Variants in PDE8B observed in about 807,000 individuals in gnomAD.
PDE8B encodes phosphodiesterase 8B, also known as high affinity cAMP-specific and IBMX-insensitive 3',5'-cyclic phosphodiesterase 8B.
Under a neutral mutation model 101.3 loss-of-function variants are expected in PDE8B, and 26 were observed. That is an observed-to-expected ratio of 0.26 (90% CI 0.19 to 0.36). The LOEUF (loss-of-function observed/expected upper bound fraction) is 0.36. Ranked by LOEUF, PDE8B falls within the 10% of genes least tolerant of loss-of-function variation. The pLI is 1.00. For missense variants in PDE8B, 810 were observed against 1,163.1 expected, an observed-to-expected ratio of 0.70 and a Z score of 4.42; for synonymous variants, 424 against 429.3, an observed-to-expected ratio of 0.99 and a Z score of 0.15.
At chr5:77,239,128 T>C (rs570769970) in intron 1 of PDE8B, among the ~76,000 whole-genome samples, 34 of 152,358 alleles carry the variant, frequency 2.2e-4, no homozygotes, top group African/African-American at 8.2e-4. Flanking sequence ...TCCTGGTTCT[T>C]ATGTCCAGGA....
chr5:77,125,801 G>A, the PDE8B span, among the ~76,000 whole-genome samples: 1 of 152,124 alleles, frequency 6.6e-6, no homozygotes, highest in Non-Finnish European at 1.5e-5. Flanking sequence ...AGGGTCTGGG[G>A]GAATAGTAGA....
At chr5:77,236,313 A>G (rs911968216) in intron 1 of PDE8B, among the ~76,000 whole-genome samples, 1 of 152,192 alleles carries the variant, frequency 6.6e-6, no homozygotes, top group African/African-American at 2.4e-5. Flanking sequence ...TGCATAGATG[A>G]CACTTAAAGC....
At chr5:77,097,685 T>TTTTA in the PDE8B span, among the ~76,000 whole-genome samples, 1 of 18,116 alleles carries the variant, frequency 5.5e-5, no homozygotes, top group Admixed American at 7.2e-4. Context: ...TGTGGAGATT[T>TTTTA]TATATATCTA....
At chr5:77,353,574 T>TC (rs999904685) in intron 10 of PDE8B, among the ~76,000 whole-genome samples, 168 bp downstream of exon 10, 1 of 152,132 alleles carries the variant, frequency 6.6e-6, no homozygotes, top group Non-Finnish European at 1.5e-5. Flanking sequence ...TCTTTTTATT[T>TC]CCCAGCAAAC....
chr5:77,203,036 C>G, the PDE8B span, among the ~76,000 whole-genome samples: 6 of 152,334 alleles, frequency 3.9e-5, no homozygotes, highest in African/African-American at 1.4e-4. Flanking sequence ...TCAGTGATTT[C>G]TAATGACTAG....
chr5:77,167,148 T>G, the PDE8B span, among the ~76,000 whole-genome samples: 1 of 152,238 alleles, frequency 6.6e-6, no homozygotes, highest in Non-Finnish European at 1.5e-5. Flanking sequence ...TCCTGTGACA[T>G]GGCTCTAAGT....
At chr5:77,328,668 C>T (rs975167523) in intron 3 of PDE8B, among the ~76,000 whole-genome samples, 1 of 152,192 alleles carries the variant, frequency 6.6e-6, no homozygotes, top group Non-Finnish European at 1.5e-5. Context: ...GATTGTAGGA[C>T]TGCCAATTTA....
chr5:77,271,183 C>G (rs1469901296), intron 1 of PDE8B, among the ~76,000 whole-genome samples: 2 of 152,224 alleles, frequency 1.3e-5, no homozygotes, highest in African/African-American at 4.8e-5. Context: ...CATAAGATCT[C>G]CCTATTCCAG....
the PDE8B span, among the ~76,000 whole-genome samples, chr5:77,202,425 A>C: frequency 6.6e-6 from 1 of 152,236 alleles, no homozygotes. Context: ...CATGAAGATG[A>C]AAAGAATGAA....
At chr5:77,094,415 T>A in the PDE8B span, among the ~76,000 whole-genome samples, 1 of 151,968 alleles carries the variant, frequency 6.6e-6, no homozygotes, top group African/African-American at 2.4e-5. Flanking sequence ...GTTCAAGCAA[T>A]CCTCCCACTT....
chr5:77,269,629 TC>T (rs1762403248), intron 1 of PDE8B, among the ~76,000 whole-genome samples: 1 of 152,218 alleles, frequency 6.6e-6, no homozygotes, highest in South Asian at 2.1e-4. Flanking sequence ...AAGCCTTTAA[TC>T]CATTTTGATT....
intron 1 of PDE8B, among the ~76,000 whole-genome samples, chr5:77,284,502 G>T (rs1341324531): frequency 6.6e-6 from 1 of 152,054 alleles, no homozygotes; most frequent in Non-Finnish European, 1.5e-5. Flanking sequence ...TTTGATTGAA[G>T]AATAATATGC....
At chr5:77,319,676 A>G (rs1232307698) in intron 2 of PDE8B, among the ~76,000 whole-genome samples, 1 of 152,212 alleles carries the variant, frequency 6.6e-6, no homozygotes, top group Non-Finnish European at 1.5e-5. Context: ...ATAAATGAGG[A>G]CAGCGGTGTG....
chr5:77,185,104 C>T, the PDE8B span, among the ~76,000 whole-genome samples: 1 of 152,200 alleles, frequency 6.6e-6, no homozygotes, highest in Non-Finnish European at 1.5e-5. Flanking sequence ...CTTGTATTTA[C>T]AGTCTTTTGG....
the PDE8B span, among the ~76,000 whole-genome samples, chr5:77,089,011 A>G: frequency 6.6e-6 from 1 of 152,138 alleles, no homozygotes; most frequent in African/African-American, 2.4e-5. Flanking sequence ...CATTCCAATA[A>G]TGGTTTTGGA....
At chr5:77,365,934 A>G (rs546838062) in intron 10 of PDE8B, among the ~76,000 whole-genome samples, 6 of 152,326 alleles carry the variant, frequency 3.9e-5, no homozygotes, top group South Asian at 2.1e-4. Context: ...AAGCTCCTCT[A>G]TCTGCAGGGC....
In PDE8B at chr5:77,290,304, T is replaced by G. The variant is rs1266923602; in HGVS notation, c.340-21690T>G. On this transcript the variant is annotated intron_variant, in intron 1 of 21. Coordinates refer to ENST00000264917, the MANE Select transcript of PDE8B (RefSeq NM_003719.5). The stretch of plus-strand genomic sequence containing the variant: ...CCTCATCAATCAGCCCCAGTATGCA[T>G]GGCTGAAAGAGGTGGGGCTCCGAGA... 1.9e-6 allele frequency: 3 copies of G among 1,539,054 alleles called. No homozygotes were observed. In the Admixed American group the frequency reaches 5.1e-5, roughly 26 times the overall value.
intron 10 of PDE8B, among the ~76,000 whole-genome samples, chr5:77,355,282 C>G (rs1236909204): frequency 6.6e-6 from 1 of 152,226 alleles, no homozygotes; most frequent in South Asian, 2.1e-4. Context: ...TACCCTGAGC[C>G]ATTGACGTCA....
chr5:77,257,224 AT>A (rs1378301135), intron 1 of PDE8B, among the ~76,000 whole-genome samples: 1 of 152,240 alleles, frequency 6.6e-6, no homozygotes, highest in Non-Finnish European at 1.5e-5. Context: ...AACCACATCA[AT>A]AGTTGTATTA....
Sources: gnomAD v4.1 joint callset for allele counts (sites outside exome capture counted in the v4.1 genomes callset) on GRCh38, gnomAD v4.1.1 for gene constraint, MANE v1.5 for transcripts, NCBI Gene and HGNC (gene_info 2026-07-23, HGNC 2026-07-21) for gene names.